The following DIS3L2 variants were observed in gnomAD, a reference collection of about 807,000 sequenced individuals.
DIS3L2 encodes DIS3-like exonuclease 2.
DIS3L2 carries 34 observed loss-of-function variants against 97.5 expected under a neutral mutation model. The observed-to-expected ratio is 0.35, with a 90% confidence interval of 0.27 to 0.46. The LOEUF (loss-of-function observed/expected upper bound fraction) is 0.46, where lower values mean the gene tolerates loss of function less well. Among genes scored for constraint, DIS3L2 ranks in the 20% least tolerant of loss-of-function variants. DIS3L2 has a pLI of 1.00. For missense variants in DIS3L2, 1,038 were observed against 1,146.0 expected (o/e 0.91, Z 1.36); for synonymous variants, 435 against 445.2 (o/e 0.98, Z 0.29).
intron 13 of DIS3L2, among the ~76,000 whole-genome samples, chr2:232,266,265 T>C (rs1468055242): frequency 6.6e-6 from 1 of 152,232 alleles, no homozygotes; most frequent in Non-Finnish European, 1.5e-5. Context: ...CAGAGTCTTA[T>C]TGCTGAAAAT....
At chr2:232,110,422 A>G (rs918469496) in intron 6 of DIS3L2, among the ~76,000 whole-genome samples, 3 of 152,356 alleles carry the variant, frequency 2.0e-5, no homozygotes, top group Admixed American at 6.5e-5. Context: ...TATTCACAAT[A>G]GCAAAGATAT....
intron 6 of DIS3L2, among the ~76,000 whole-genome samples, chr2:232,105,538 C>G (rs549380365): frequency 1.3e-5 from 2 of 152,234 alleles, no homozygotes; most frequent in Admixed American, 6.5e-5. Flanking sequence ...TGGAGTCATT[C>G]CTACCTACTT....
chr2:232,270,890 CTCTCT>C (rs770814207), intron 13 of DIS3L2, among the ~76,000 whole-genome samples: 390 of 149,278 alleles, frequency 2.6e-3, no homozygotes, highest in Non-Finnish European at 4.3e-3. Flanking sequence ...CTCTCTCTCT[CTCTCT>C]CTCTCTCTCT....
In DIS3L2 at chr2:232,170,380, C is replaced by G. The variant is rs141087420; in HGVS notation, c.1124+6748C>G. 1.3e-3 allele frequency among the ~76,000 whole-genome samples: 199 copies of G among 152,226 alleles called. 9 individuals carry two copies. In the East Asian group the frequency reaches 0.036, roughly 27 times the overall value. ...CACTAAACCGATCTTTATGTTTCTC[C>G]TATAGTTAGTATTATTATGGAAGTT... On this transcript the variant is annotated intron_variant, in intron 9 of 20. Transcript: ENST00000325385.
chr2:232,015,498 T>G lies in DIS3L2; in HGVS notation c.53-16T>G, dbSNP rs774039141. On this transcript the variant is annotated splice_polypyrimidine_tract_variant and intron_variant, in intron 2 of 20. Transcript: ENST00000325385. Reference sequence around the variant, plus strand: ...GATGTTTGAGGAAAGAGTTGATTGCTGCCTCCTGTTTCTAGGTGTGTCTGC... The same window carrying G: ...GATGTTTGAGGAAAGAGTTGATTGCGGCCTCCTGTTTCTAGGTGTGTCTGC... 5 of 1,609,770 alleles carry G rather than the reference T, an allele frequency of 3.1e-6. No individual in the cohort carries two copies. The highest frequency in any genetic ancestry group is 1.3e-5 in the African/African-American group (1 of 74,694).
At chr2:232,125,508 C>G (rs1244401236) in intron 6 of DIS3L2, among the ~76,000 whole-genome samples, 1 of 152,220 alleles carries the variant, frequency 6.6e-6, no homozygotes, top group Non-Finnish European at 1.5e-5. Context: ...GGCTCCCCCT[C>G]TTCACTACTC....
At chr2:232,061,066 C>G (rs1695689729) in intron 5 of DIS3L2, among the ~76,000 whole-genome samples, 1 of 152,080 alleles carries the variant, frequency 6.6e-6, no homozygotes, top group African/African-American at 2.4e-5. Context: ...TTAGGTTTTT[C>G]CAAATATAAG....
At chr2:232,288,575 G>A (rs547839884) in intron 13 of DIS3L2, among the ~76,000 whole-genome samples, 65 of 152,254 alleles carry the variant, frequency 4.3e-4, no homozygotes, top group African/African-American at 1.5e-3. Context: ...CTGGCTCCCC[G>A]CTTGGGGTTA....
At chr2:232,319,845 G>T (rs565277585) in intron 14 of DIS3L2, among the ~76,000 whole-genome samples, 73 of 152,312 alleles carry the variant, frequency 4.8e-4, no homozygotes, top group African/African-American at 1.7e-3. Context: ...TCACGCTTTG[G>T]CATGGTCTGG....
chr2:232,067,538 T>C (rs1312475706), intron 5 of DIS3L2, among the ~76,000 whole-genome samples: 1 of 152,178 alleles, frequency 6.6e-6, no homozygotes, highest in East Asian at 1.9e-4. Flanking sequence ...CCTACAGAAA[T>C]TCATGTGGCT....
chr2:232,183,416 G>A (rs1691346393), intron 9 of DIS3L2, among the ~76,000 whole-genome samples: 1 of 152,224 alleles, frequency 6.6e-6, no homozygotes, highest in South Asian at 2.1e-4. Flanking sequence ...AAGAGGCTCT[G>A]TGTCGACTAA....
intron 9 of DIS3L2, among the ~76,000 whole-genome samples, chr2:232,196,040 A>G (rs1235271664): frequency 1.3e-4 from 20 of 152,152 alleles, no homozygotes; most frequent in Admixed American, 9.2e-4. Context: ...TAAAGGCAAG[A>G]TGGAATCTGT....
chr2:232,205,239 A>T lies in DIS3L2; in HGVS notation c.1125-5087A>T, dbSNP rs866462150. ...ATATATATATATATATATATATATA[A>T]AATGCAGTGAATTTTTTGTTGTTGT... On this transcript the variant is annotated intron_variant, in intron 9 of 20. Coordinates refer to ENST00000325385, the MANE Select transcript of DIS3L2 (RefSeq NM_152383.5). Among the ~76,000 whole-genome samples the T allele has an allele frequency of 4.5e-5, 6 of 132,680 alleles. No individual in the cohort carries two copies. In the South Asian group the frequency reaches 1.1e-3, roughly 25 times the overall value. 87.0% of individuals were successfully genotyped at this position (132,680 alleles called of 152,430 possible). A position where few individuals can be genotyped will look rare whatever the true frequency, so the allele number is the denominator to read the frequency against.
At chr2:231,965,736 T>A (rs1030724918) in intron 1 of DIS3L2, among the ~76,000 whole-genome samples, 1 of 152,182 alleles carries the variant, frequency 6.6e-6, no homozygotes, top group Non-Finnish European at 1.5e-5. Context: ...AATGCAAAAC[T>A]ATGGCTGTGA....
intron 5 of DIS3L2, among the ~76,000 whole-genome samples, chr2:232,071,925 A>G (rs191561142): frequency 6.6e-6 from 1 of 152,296 alleles, no homozygotes; most frequent in Admixed American, 6.5e-5. Context: ...GGAGATTTGT[A>G]GGGTGGTGTC....
intron 13 of DIS3L2, among the ~76,000 whole-genome samples, 163 bp from the exon 14 acceptor site, chr2:232,299,877 T>C (rs1354892967): frequency 2.0e-5 from 3 of 152,212 alleles, no homozygotes; most frequent in Admixed American, 2.0e-4. Context: ...GATGGGGTCC[T>C]TGTAAGGTGT....
At chr2:232,119,792 A>C (rs73995102) in intron 6 of DIS3L2, among the ~76,000 whole-genome samples, 1 of 152,234 alleles carries the variant, frequency 6.6e-6, no homozygotes, top group East Asian at 1.9e-4. Context: ...CTCAGGTCCA[A>C]CTCAGGAATC....
At chr2:231,962,679 C>T (rs1692601775) in intron 1 of DIS3L2, among the ~76,000 whole-genome samples, 1 of 152,130 alleles carries the variant, frequency 6.6e-6, no homozygotes, top group African/African-American at 2.4e-5. Flanking sequence ...TCGTGATCCG[C>T]CCGCCTTGGC....
intron 16 of DIS3L2, among the ~76,000 whole-genome samples, chr2:232,331,282 C>T (rs867374988): frequency 1.2e-4 from 18 of 152,222 alleles, no homozygotes; most frequent in East Asian, 5.8e-4. Flanking sequence ...CCTGTCACAG[C>T]GCCCCAGGCT....
Sources: allele counts gnomAD v4.1 joint callset (sites outside exome capture counted in the v4.1 genomes callset), GRCh38; gene constraint gnomAD v4.1.1; transcripts MANE v1.5; gene names NCBI Gene and HGNC (gene_info 2026-07-23, HGNC 2026-07-21).